Variants in FAF1 observed in about 807,000 individuals in gnomAD.
FAF1 encodes FAS-associated factor 1.
FAF1 carries 25 observed loss-of-function variants against 92.5 expected under a neutral mutation model. That is an observed-to-expected ratio of 0.27 (90% CI 0.20 to 0.38). The LOEUF is 0.38. FAF1 is among the 10% of genes least tolerant of loss of function. The pLI is 1.00. For synonymous variants in FAF1, 234 were observed against 273.2 expected, an observed-to-expected ratio of 0.86 and a Z score of 1.42; for missense variants, 636 against 793.3, an observed-to-expected ratio of 0.80 and a Z score of 2.38.
intron 2 of FAF1, among the ~76,000 whole-genome samples, chr1:50,832,579 C>T (rs1225732841): frequency 6.6e-6 from 1 of 152,116 alleles, no homozygotes; most frequent in Admixed American, 6.5e-5. Flanking sequence ...TTAAGAAGAC[C>T]ACCTTCCTCA....
chr1:50,890,979 C>T (rs879293365), intron 1 of FAF1, among the ~76,000 whole-genome samples: 16 of 152,180 alleles, frequency 1.1e-4, no homozygotes, highest in Non-Finnish European at 2.4e-4. Context: ...CCATTCTCCC[C>T]GTCACTTTCA....
intron 2 of FAF1, among the ~76,000 whole-genome samples, chr1:50,809,448 G>A (rs1662336595): frequency 1.3e-5 from 2 of 152,040 alleles, no homozygotes; most frequent in African/African-American, 2.4e-5. Flanking sequence ...ACCAAATCCA[G>A]AGAAATACAA....
intron 4 of FAF1, among the ~76,000 whole-genome samples, chr1:50,754,006 T>A (rs2124514807): frequency 6.6e-6 from 1 of 152,228 alleles, no homozygotes; most frequent in East Asian, 1.9e-4. Flanking sequence ...TACGCCCACC[T>A]TGGCCTCCCA....
At chr1:50,528,508 A>T (rs1400299373) in intron 15 of FAF1, among the ~76,000 whole-genome samples, 1 of 152,164 alleles carries the variant, frequency 6.6e-6, no homozygotes, top group African/African-American at 2.4e-5. Context: ...CTCTTATATG[A>T]TCAATTTTTA....
intron 7 of FAF1, among the ~76,000 whole-genome samples, chr1:50,695,958 T>C (rs1224119259): frequency 6.6e-6 from 1 of 151,710 alleles, no homozygotes; most frequent in Admixed American, 6.6e-5. Context: ...CTTTTTTTTT[T>C]TTTTTTTTTT....
intron 18 of FAF1, among the ~76,000 whole-genome samples, chr1:50,441,868 T>A (rs765899513): frequency 6.6e-6 from 1 of 151,622 alleles, no homozygotes; most frequent in Non-Finnish European, 1.5e-5. Context: ...TAGCCCCTAA[T>A]AGAGGGGAGG....
intron 6 of FAF1, among the ~76,000 whole-genome samples, chr1:50,706,679 A>C (rs1657686925): frequency 1.3e-5 from 2 of 152,266 alleles, no homozygotes; most frequent in South Asian, 4.1e-4. Flanking sequence ...TTAAACTAAT[A>C]TTAAATGAGT....
intron 1 of FAF1, among the ~76,000 whole-genome samples, chr1:50,931,055 T>A (rs1645043514): frequency 1.3e-5 from 2 of 152,202 alleles, no homozygotes; most frequent in Admixed American, 1.3e-4. Context: ...GAAGCATCTT[T>A]ATATTCCAGA....
chr1:50,590,425 T>G (rs1481115792), intron 9 of FAF1, among the ~76,000 whole-genome samples: 1 of 152,260 alleles, frequency 6.6e-6, no homozygotes, highest in Non-Finnish European at 1.5e-5. Context: ...ATTGTTTTTC[T>G]AATTTTCTGT....
chr1:50,466,602 T>A (rs1247224397), intron 18 of FAF1, among the ~76,000 whole-genome samples: 1 of 152,384 alleles, frequency 6.6e-6, no homozygotes, highest in East Asian at 1.9e-4. Flanking sequence ...GCACCTGCTA[T>A]GTGCCAGGTA....
At chr1:50,663,124 T>C (rs919517211) in intron 7 of FAF1, among the ~76,000 whole-genome samples, 2 of 151,738 alleles carry the variant, frequency 1.3e-5, no homozygotes, top group Non-Finnish European at 2.9e-5. Flanking sequence ...AAGCTAAATT[T>C]TAGAAGCTTT....
intron 3 of FAF1, among the ~76,000 whole-genome samples, chr1:50,789,497 T>C (rs1037968855): frequency 6.6e-6 from 1 of 152,140 alleles, no homozygotes; most frequent in African/African-American, 2.4e-5. Context: ...TTCTCTTTCA[T>C]CCCACATACC....
At chr1:50,734,551 G>A (rs1229721212) in intron 6 of FAF1, among the ~76,000 whole-genome samples, 1 of 151,936 alleles carries the variant, frequency 6.6e-6, no homozygotes, top group Non-Finnish European at 1.5e-5. Flanking sequence ...TGGCTAACAT[G>A]GTGAAACCCT....
chr1:50,851,129 G>A (rs1644345449), intron 2 of FAF1, among the ~76,000 whole-genome samples: 2 of 142,938 alleles, frequency 1.4e-5, no homozygotes, highest in Admixed American at 7.3e-5. Context: ...CACCCAGGCT[G>A]TCATGCAATG....
At chr1:50,940,786 G>A (rs1046236890) in intron 1 of FAF1, among the ~76,000 whole-genome samples, 1 of 152,140 alleles carries the variant, frequency 6.6e-6, no homozygotes, top group African/African-American at 2.4e-5. Context: ...TAGTAACTAC[G>A]TAATCTCAGT....
intron 18 of FAF1, among the ~76,000 whole-genome samples, chr1:50,457,581 C>T (rs1646369313): frequency 6.6e-6 from 1 of 151,852 alleles, no homozygotes; most frequent in Non-Finnish European, 1.5e-5. Flanking sequence ...GTATGTACAG[C>T]CTTCAAAAGC....
At chr1:50,726,636 T>C (rs972612088) in intron 6 of FAF1, among the ~76,000 whole-genome samples, 16 of 152,158 alleles carry the variant, frequency 1.1e-4, no homozygotes, top group African/African-American at 3.6e-4. Context: ...GAGACCATCC[T>C]GGCTAACACA....
chr1:50,774,383 TCA>T (rs1268553974), intron 4 of FAF1, among the ~76,000 whole-genome samples: 1 of 151,808 alleles, frequency 6.6e-6, no homozygotes, highest in Non-Finnish European at 1.5e-5. Flanking sequence ...CTAATAAGAG[TCA>T]CAGAGTCGAG....
chr1:50,827,265 T>C (rs1325582920), intron 2 of FAF1, among the ~76,000 whole-genome samples: 3 of 152,210 alleles, frequency 2.0e-5, no homozygotes, highest in African/African-American at 7.2e-5. Context: ...CATAGGAGAC[T>C]CCATTTTGTT....
Sources: gnomAD v4.1 joint callset for allele counts (sites outside exome capture counted in the v4.1 genomes callset) on GRCh38, gnomAD v4.1.1 for gene constraint, MANE v1.5 for transcripts, NCBI Gene and HGNC (gene_info 2026-07-23, HGNC 2026-07-21) for gene names.